CPS1: variants seen among roughly 807,000 people sequenced by gnomAD.
CPS1 encodes the protein carbamoyl-phosphate synthase [ammonia], mitochondrial.
A neutral mutation model predicts 174.6 loss-of-function variants in CPS1; 109 were observed. The observed-to-expected ratio is 0.62, with a 90% confidence interval of 0.53 to 0.73. The LOEUF is 0.73. Ranked by LOEUF, CPS1 falls within the 30% of genes least tolerant of loss-of-function variation. CPS1 has a pLI of 0.00. For synonymous variants in CPS1, 637 were observed against 632.0 expected (o/e 1.01, Z -0.12); for missense variants, 1,689 against 1,821.9 (o/e 0.93, Z 1.33).
At chr2:210,674,754 G>A (rs1483746695) in intron 34 of CPS1, 148 bp from the exon 35 acceptor site, 1 of 704,912 alleles carries the variant, frequency 1.4e-6, no homozygotes, top group African/African-American at 1.8e-5. Context: ...CACCATAGAA[G>A]GATAAAAGGA....
upstream of CPS1, chr2:210,556,364 A>G: frequency 2.1e-6 from 1 of 469,238 alleles, no homozygotes; most frequent in Non-Finnish European, 4.2e-6. Flanking sequence ...ACTCTTTAGG[A>G]TAAGGTTGTC....
At chr2:210,625,271 T>C (rs1699663984) in intron 21 of CPS1, among the ~76,000 whole-genome samples, 1 of 152,108 alleles carries the variant, frequency 6.6e-6, no homozygotes, top group Non-Finnish European at 1.5e-5. Flanking sequence ...AAGCCATTTG[T>C]TGATGAATAA....
intron 1 of CPS1, among the ~76,000 whole-genome samples, chr2:210,520,657 A>T (rs776703307): frequency 1.5e-4 from 23 of 152,012 alleles, no homozygotes; most frequent in Admixed American, 3.3e-4. Flanking sequence ...ACTATACATT[A>T]GTTTGAATTC....
At chr2:210,648,356 A>T (rs1229468551) in intron 26 of CPS1, 117 bp from the exon 27 acceptor site, 1 of 828,194 alleles carries the variant, frequency 1.2e-6, no homozygotes, top group African/African-American at 1.7e-5. Flanking sequence ...TTTACATTTA[A>T]TGGTGCCTTT....
intron 1 of CPS1, among the ~76,000 whole-genome samples, chr2:210,525,461 G>A (rs543085402): frequency 2.9e-4 from 44 of 151,816 alleles, no homozygotes; most frequent in Non-Finnish European, 5.3e-4. Flanking sequence ...CATTTAGCAC[G>A]CATTTATTAA....
chr2:210,675,475 C>A (rs1701494909), intron 35 of CPS1, among the ~76,000 whole-genome samples: 1 of 152,054 alleles, frequency 6.6e-6, no homozygotes, highest in African/African-American at 2.4e-5. Flanking sequence ...TTATTAAATT[C>A]AAATTAAACA....
At chr2:210,554,085 ATG>A (rs1213830285), upstream of CPS1, among the ~76,000 whole-genome samples, 1 of 146,718 alleles carries the variant, frequency 6.8e-6, no homozygotes, top group African/African-American at 2.5e-5. Flanking sequence ...ATACATACAT[ATG>A]TATATGTATG....
At chr2:210,575,611 C>T (rs1307522148) in intron 2 of CPS1, among the ~76,000 whole-genome samples, 1 of 151,728 alleles carries the variant, frequency 6.6e-6, no homozygotes, top group Admixed American at 6.6e-5. Context: ...TCCCTAATTC[C>T]ATATCAGTAC....
chr2:210,666,680 A>G (rs1471156348), intron 33 of CPS1, among the ~76,000 whole-genome samples: 3 of 152,006 alleles, frequency 2.0e-5, no homozygotes, highest in African/African-American at 4.8e-5. Context: ...CGTTCTATTG[A>G]TCTATATCTC....
chr2:210,477,685 CT>C, exon 1 of CPS1: 1 of 1,592,458 alleles, frequency 6.3e-7, no homozygotes, highest in Non-Finnish European at 8.6e-7. Context: ...CAGGTTTGCT[CT>C]TTTAAAATAG....
At chr2:210,539,123 A>G (rs1392374434) in intron 1 of CPS1, among the ~76,000 whole-genome samples, 1 of 152,206 alleles carries the variant, frequency 6.6e-6, no homozygotes, top group Non-Finnish European at 1.5e-5. Context: ...CAAGAAGATC[A>G]CTTATGTGCT....
At chr2:210,628,401 TA>T (rs994872739) in intron 21 of CPS1, among the ~76,000 whole-genome samples, 2 of 152,198 alleles carry the variant, frequency 1.3e-5, no homozygotes, top group African/African-American at 4.8e-5. Flanking sequence ...CACATCCTCC[TA>T]AAAATAACTT....
rs547173697 is a variant in CPS1 at position 210,574,784 on chromosome 2, CT to C, written c.236+1378del. 2.1e-4 allele frequency among the ~76,000 whole-genome samples: 32 copies of C among 151,980 alleles called. No homozygotes were observed. The South Asian group carries it at 3.5e-3, about 17-fold the overall frequency. Reference sequence around the variant, plus strand: ...AAAACAAAGTATATTTATTCATTTACTGAAGAGTATTGTAAGCATATGTTTA... The same window carrying C: ...AAAACAAAGTATATTTATTCATTTACGAAGAGTATTGTAAGCATATGTTTA... On this transcript the variant is annotated intron_variant, in intron 2 of 37. Transcript: ENST00000233072.
At chr2:210,583,454 A>G (rs920243936) in intron 6 of CPS1, among the ~76,000 whole-genome samples, 86 of 152,100 alleles carry the variant, frequency 5.7e-4, no homozygotes, top group African/African-American at 2.1e-3. Flanking sequence ...CTGCAAGGGC[A>G]TGCATGGGGC....
At chr2:210,591,997 T>C in intron 10 of CPS1, 28 bp downstream of exon 10, 7 of 1,605,840 alleles carry the variant, frequency 4.4e-6, no homozygotes, top group Non-Finnish European at 5.9e-6. Flanking sequence ...ACCTGTTCAG[T>C]TGGTGATGAG....
chr2:210,507,705 A>C (rs537421342), intron 1 of CPS1, among the ~76,000 whole-genome samples: 1 of 151,636 alleles, frequency 6.6e-6, no homozygotes, highest in African/African-American at 2.4e-5. Context: ...AATGGAAAAC[A>C]AAAAAAGGCA....
intron 24 of CPS1, 46 bp from the exon 25 acceptor site, chr2:210,642,438 C>T (rs367802862): frequency 6.2e-7 from 1 of 1,607,954 alleles, no homozygotes; most frequent in Non-Finnish European, 8.5e-7. Context: ...TGTATTGTAA[C>T]TTCGTGCTTC....
upstream of CPS1, among the ~76,000 whole-genome samples, chr2:210,554,289 A>G (rs1696831834): frequency 6.7e-6 from 1 of 150,206 alleles, no homozygotes; most frequent in South Asian, 2.1e-4. Flanking sequence ...ATACACACAC[A>G]CACCGTAGTT....
rs1559084576 is a variant in CPS1 at position 210,576,375 on chromosome 2, A to G, written c.266A>G (p.Tyr89Cys). ...GYPEAITDPA[Y>C]KGQILTMANP... is the part of the protein sequence containing the mutation. ...CCAGAAGCTATTACTGACCCTGCCT[A>G]CAAAGGACAGATTCTCACAATGGCC... is the stretch of plus-strand genomic sequence containing the variant. The change falls in exon 3 of 38, where the codon TAC becomes TGC. Residue 89 changes from tyrosine (Y) to cysteine (C), a missense_variant. Transcript: ENST00000233072. The G allele has an allele frequency of 1.2e-6, 2 of 1,613,632 alleles. No individual in the cohort carries two copies. Among genetic ancestry groups the G allele is most frequent in the Non-Finnish European group, 1.7e-6 (2 of 1,179,732 alleles).
Sources: allele counts gnomAD v4.1 joint callset (sites outside exome capture counted in the v4.1 genomes callset), GRCh38; gene constraint gnomAD v4.1.1; transcripts MANE v1.5; gene names NCBI Gene and HGNC (gene_info 2026-07-23, HGNC 2026-07-21).